HDLBP: variants seen among roughly 807,000 people sequenced by gnomAD.
HDLBP encodes vigilin.
In HDLBP, 30 loss-of-function variants were observed where a neutral mutation model predicts 137.3. The observed-to-expected ratio is 0.22, with a 90% CI of 0.16 to 0.30. HDLBP has a LOEUF of 0.30. HDLBP is among the 10% of genes least tolerant of loss of function. The probability of loss-of-function intolerance (pLI) is 1.00; values close to 1 mark genes in which losing one functional copy is unlikely to be tolerated. For synonymous variants in HDLBP, 606 were observed against 596.0 expected (o/e 1.02, Z -0.24); for missense variants, 1,119 against 1,667.3 (o/e 0.67, Z 5.73).
At chr2:241,301,648 C>CA (rs1491492320) in intron 1 of HDLBP, among the ~76,000 whole-genome samples, 3 of 152,134 alleles carry the variant, frequency 2.0e-5, no homozygotes, top group Non-Finnish European at 4.4e-5. Context: ...AGGTTCTACT[C>CA]ACACACACTT....
chr2:241,239,076 C>T lies in HDLBP; in HGVS notation c.2611-289G>A, dbSNP rs2070917259. On this transcript the variant is annotated intron_variant, in intron 19 of 27. Coordinates refer to ENST00000310931, the MANE Select transcript of HDLBP (RefSeq NM_005336.6). This position sits in a 1 kb window ranked among gnomAD's most constrained non-coding sequence, Gnocchi z 4.6. ...GACCTCCTGGGGTAGCCTCTGACTC[C>T]ATGAGGAGGCATCAGACTTGATTAT... 6.6e-6 allele frequency among the ~76,000 whole-genome samples: 1 copy of T among 152,084 alleles called. No homozygotes were observed. The highest frequency in any genetic ancestry group is 6.5e-5 in the Admixed American group (1 of 15,280).
intron 5 of HDLBP, among the ~76,000 whole-genome samples, chr2:241,259,763 C>G (rs1472900381): frequency 2.6e-5 from 4 of 152,134 alleles, no homozygotes; most frequent in African/African-American, 9.7e-5. Context: ...GCGTGAGAGT[C>G]ACCGCCTGCT....
At chr2:241,313,142 C>A (rs1188912667) in intron 1 of HDLBP, among the ~76,000 whole-genome samples, 1 of 152,234 alleles carries the variant, frequency 6.6e-6, no homozygotes, top group African/African-American at 2.4e-5. Flanking sequence ...CAGGTAACCA[C>A]TGCCTATTTC....
chr2:241,228,744 T>G lies in HDLBP; in HGVS notation c.*857A>C, dbSNP rs1411309486. The G allele has an allele frequency of 6.5e-6, 1 of 152,980 alleles. No homozygotes were observed. Among genetic ancestry groups the G allele is most frequent in the Non-Finnish European group, 1.5e-5 (1 of 68,324 alleles). 9.5% of individuals were successfully genotyped at this position (152,980 alleles called of 1,614,324 possible). ...AGCTAGGGCAGGGGCAGGGAGGGGC[T>G]GCAGGTGGTGTGAAGAAGAGCCCAG... On this transcript the variant is annotated 3_prime_UTR_variant, in exon 28 of 28. Coordinates refer to ENST00000310931, the MANE Select transcript of HDLBP (RefSeq NM_005336.6).
chr2:241,248,973 T>C (rs1472000214), intron 12 of HDLBP, among the ~76,000 whole-genome samples: 1 of 152,104 alleles, frequency 6.6e-6, no homozygotes, highest in Non-Finnish European at 1.5e-5. Flanking sequence ...CAAACGGCTA[T>C]TGGCTGACAG....
chr2:241,257,147 T>C (rs1249676148), intron 5 of HDLBP, among the ~76,000 whole-genome samples: 4 of 152,224 alleles, frequency 2.6e-5, no homozygotes, highest in African/African-American at 9.6e-5. Context: ...GAAATTCTAT[T>C]TATAGCAAAG....
intron 3 of HDLBP, among the ~76,000 whole-genome samples, chr2:241,264,851 C>A (rs2073528996): frequency 6.6e-6 from 1 of 152,080 alleles, no homozygotes; most frequent in Admixed American, 6.5e-5. Flanking sequence ...AGCGAACCTA[C>A]CCCCATCCAC....
intron 1 of HDLBP, among the ~76,000 whole-genome samples, chr2:241,301,766 G>GT: frequency 1.3e-5 from 2 of 150,934 alleles, no homozygotes. Context: ...CTTTCCTTTC[G>GT]TTTTGTTTTT....
rs1300180831 is a variant in HDLBP at position 241,228,892 on chromosome 2, C to G, written c.*709G>C. The G allele has an allele frequency of 6.5e-6, 1 of 152,832 alleles. No homozygotes were observed. Among genetic ancestry groups the G allele is most frequent in the African/African-American group, 2.4e-5 (1 of 41,446 alleles). 9.5% of individuals were successfully genotyped at this position (152,832 alleles called of 1,614,324 possible). On this transcript the variant is annotated 3_prime_UTR_variant, in exon 28 of 28. Coordinates refer to ENST00000310931, the MANE Select transcript of HDLBP (RefSeq NM_005336.6). ...CACAGGGGACCCAGATGGTGCCTAC[C>G]ACCTTGCCTCCAGGCTCCACTCACC...
chr2:241,236,694 G>A lies in HDLBP; in HGVS notation c.2825C>T (p.Pro942Leu). 1 of 1,614,094 alleles carries A rather than the reference G, an allele frequency of 6.2e-7. No homozygotes were observed. The highest frequency in any genetic ancestry group is 2.2e-5 in the East Asian group (1 of 44,870). ...GATGTCACACCTCCTTGGAGAGCCG[G>A]GGTCACAATCTTTAGCCTCTCTCCC... ...GEGREAKDCD[P>L]GSPRRCDIII... The change falls in exon 21 of 28, where the codon CCC (proline) becomes CTC (leucine). Residue 942 changes from proline to leucine, a missense_variant. Physicochemically the swap from Pro to Leu is moderately conservative, Grantham distance 98. This residue lies in a region of HDLBP where 618 missense variants were observed against 816.7 expected (regional missense o/e 0.76). Transcript: ENST00000310931.
rs2149382929 is a variant in HDLBP at position 241,238,333 on chromosome 2, A to G, written c.2749+316T>C. 1 of 205,268 alleles carries G rather than the reference A, an allele frequency of 4.9e-6. No individual in the cohort carries two copies. Among genetic ancestry groups the G allele is most frequent in the Middle Eastern group, 1.7e-3 (1 of 584 alleles). 12.7% of individuals were successfully genotyped at this position (205,268 alleles called of 1,614,324 possible). A position where few individuals can be genotyped will look rare whatever the true frequency, so the allele number is the denominator to read the frequency against. Reference sequence around the variant, plus strand: ...CTCTACGACGGGGCTCATGCGATCCAAACGATGTCATGAGAATCACTGGGA... The same window carrying G: ...CTCTACGACGGGGCTCATGCGATCCGAACGATGTCATGAGAATCACTGGGA... On this transcript the variant is annotated intron_variant, in intron 20 of 27. Transcript: ENST00000310931. The surrounding 1 kb of genome is among the most constrained non-coding windows in gnomAD (Gnocchi z 4.9).
chr2:241,263,653 T>C (rs932226540), intron 4 of HDLBP, among the ~76,000 whole-genome samples: 4 of 152,014 alleles, frequency 2.6e-5, no homozygotes, highest in Admixed American at 2.0e-4. Context: ...GGCAGCGAGA[T>C]AGTAATTTTC....
intron 1 of HDLBP, chr2:241,315,010 C>T (rs1472594894): frequency 2.0e-5 from 3 of 152,208 alleles, no homozygotes; most frequent in Admixed American, 6.5e-5. Flanking sequence ...CGCCCGCGCC[C>T]ATCCCGCTCA....
Position 241,239,520 on chromosome 2 carries a change from G to A in HDLBP, c.2610+82C>T. 8.8e-7 allele frequency: 1 copy of A among 1,141,152 alleles called. No homozygotes were observed. 70.7% of individuals were successfully genotyped at this position (1,141,152 alleles called of 1,614,324 possible). ...TGTATGAGGGAGTCACCTCCCTACA[G>A]GGTGGAGCGAACACTCATACACGGC... On this transcript the variant is annotated intron_variant, in intron 19 of 27. Coordinates refer to ENST00000310931, the MANE Select transcript of HDLBP (RefSeq NM_005336.6). The surrounding 1 kb of genome is among the most constrained non-coding windows in gnomAD (Gnocchi z 4.6).
chr2:241,261,121 G>C lies in HDLBP; in HGVS notation c.450+1590C>G, dbSNP rs542195202. The stretch of plus-strand genomic sequence containing the variant: ...GAGTCAGGAGGATCACTTGAGCCCA[G>C]GAGGTCAAGGCTGCCATGAGCTGTG... On this transcript the variant is annotated intron_variant, in intron 5 of 27. Coordinates refer to ENST00000310931, the MANE Select transcript of HDLBP (RefSeq NM_005336.6). Among the ~76,000 whole-genome samples, 674 of 150,284 alleles carry C rather than the reference G, an allele frequency of 4.5e-3. 2 individuals are homozygous for C. The highest frequency in any genetic ancestry group is 8.0e-3 in the Non-Finnish European group (545 of 67,778).
intron 7 of HDLBP, among the ~76,000 whole-genome samples, chr2:241,255,814 C>T (rs925658730): frequency 1.3e-5 from 2 of 152,252 alleles, no homozygotes; most frequent in Non-Finnish European, 2.9e-5. Flanking sequence ...TCCTTGAACA[C>T]TGCAAAACAC....
At chr2:241,249,268 A>G (rs2071923983) in intron 12 of HDLBP, 1 of 469,146 alleles carries the variant, frequency 2.1e-6, no homozygotes, top group Non-Finnish European at 4.4e-6. Flanking sequence ...CAGTCAGGCC[A>G]AAGTGCTGCT....
Position 241,229,546 on chromosome 2 carries a change from T to C in HDLBP, c.*55A>G. On this transcript the variant is annotated 3_prime_UTR_variant, in exon 28 of 28. Transcript: ENST00000310931. ...CGCTGGGTCAGATTGAGACAAACCA[T>C]TGTGTGGTTGGGTTTGGGTCAGCAG... The C allele has an allele frequency of 1.0e-5, 13 of 1,272,996 alleles. No individual in the cohort carries two copies. The highest frequency in any genetic ancestry group is 1.7e-5 in the Admixed American group (1 of 57,336). The allele number at this position is 1,272,996 out of a possible 1,614,324, so 78.9% of individuals were successfully genotyped here.
intron 1 of HDLBP, among the ~76,000 whole-genome samples, chr2:241,300,627 T>C (rs2075362739): frequency 6.6e-6 from 1 of 152,188 alleles, no homozygotes; most frequent in African/African-American, 2.4e-5. Context: ...GACCAACTGA[T>C]AACAACAATC....
Sources: allele counts gnomAD v4.1 joint callset (sites outside exome capture counted in the v4.1 genomes callset), GRCh38; gene constraint gnomAD v4.1.1; regional missense constraint gnomAD v4.1.1; non-coding constraint Gnocchi (gnomAD v3.1); transcripts MANE v1.5; gene names NCBI Gene and HGNC (gene_info 2026-07-23, HGNC 2026-07-21).